OSBP2: variants seen among roughly 807,000 people sequenced by gnomAD.
OSBP2 encodes oxysterol-binding protein 2.
Under a neutral mutation model 96.0 loss-of-function variants are expected in OSBP2, and 66 were observed. That is an observed-to-expected ratio of 0.69 (90% CI 0.56 to 0.84). The LOEUF is 0.84. Among genes scored for constraint, OSBP2 ranks in the 40% least tolerant of loss-of-function variants. The pLI is 0.00. For missense variants in OSBP2, 1,038 were observed against 1,222.7 expected, an observed-to-expected ratio of 0.85 and a Z score of 2.25; for synonymous variants, 525 against 520.9, an observed-to-expected ratio of 1.01 and a Z score of -0.11.
At chr22:30,816,797 T>C (rs1395115419) in intron 2 of OSBP2, among the ~76,000 whole-genome samples, 2 of 152,154 alleles carry the variant, frequency 1.3e-5, no homozygotes, top group Admixed American at 6.5e-5. Context: ...AGTGCAGTGG[T>C]GTGATCTCGG....
chr22:30,733,472 G>A (rs2089809370), intron 1 of OSBP2, among the ~76,000 whole-genome samples: 1 of 152,136 alleles, frequency 6.6e-6, no homozygotes, highest in Admixed American at 6.6e-5. Flanking sequence ...TGTTTAACCT[G>A]TGAGTCACTA....
At chr22:30,850,204 G>A (rs2038953215) in intron 2 of OSBP2, among the ~76,000 whole-genome samples, 2 of 151,778 alleles carry the variant, frequency 1.3e-5, no homozygotes, top group African/African-American at 4.8e-5. Flanking sequence ...TACTTGGGAG[G>A]CTGAGGCAGG....
At chr22:30,708,299 A>G (rs2089288500) in intron 1 of OSBP2, among the ~76,000 whole-genome samples, 1 of 152,168 alleles carries the variant, frequency 6.6e-6, no homozygotes, top group African/African-American at 2.4e-5. Context: ...TTTAAACAAC[A>G]TATATAAGAG....
At chr22:30,732,800 G>A (rs2089798913) in intron 1 of OSBP2, among the ~76,000 whole-genome samples, 1 of 152,176 alleles carries the variant, frequency 6.6e-6, no homozygotes, top group South Asian at 2.1e-4. Flanking sequence ...TTCTCCCTCG[G>A]TGTCCCCGCT....
At chr22:30,865,360 C>T (rs374075247) in intron 2 of OSBP2, among the ~76,000 whole-genome samples, 7 of 152,248 alleles carry the variant, frequency 4.6e-5, no homozygotes, top group Middle Eastern at 3.4e-3. Context: ...CATGGTGGCT[C>T]ACGCCTATAA....
At chr22:30,730,808 A>ATAT (rs1491303061) in intron 1 of OSBP2, among the ~76,000 whole-genome samples, 117 of 39,194 alleles carry the variant, frequency 3.0e-3, no homozygotes, top group Middle Eastern at 0.028. Context: ...ATATATATAT[A>ATAT]ATTTTTTTTT....
At chr22:30,720,300 T>C (rs2089527628) in intron 1 of OSBP2, among the ~76,000 whole-genome samples, 1 of 152,140 alleles carries the variant, frequency 6.6e-6, no homozygotes, top group Non-Finnish European at 1.5e-5. Flanking sequence ...TGATCCTGAG[T>C]GGGCTCAGGA....
At chr22:30,715,868 T>TA in intron 1 of OSBP2, among the ~76,000 whole-genome samples, 1 of 149,510 alleles carries the variant, frequency 6.7e-6, no homozygotes, top group Non-Finnish European at 1.5e-5. Context: ...TTTTTTTTTT[T>TA]TTTTTTTAAC....
Position 30,893,556 on chromosome 22 carries a change from G to A in OSBP2, c.2084G>A (p.Trp695Ter). Residue 695 changes from tryptophan (W) to a stop codon, truncating the protein, a stop_gained, in exon 10 of 14, where the codon TGG becomes TAG. Transcript: ENST00000332585. LOFTEE classifies it high-confidence loss of function. The part of the protein sequence containing the change: ...TVHNIIVGKL[W>*]IDQSGDIEIV... ...CACAACATCATCGTGGGCAAGCTCT[G>A]GATCGACCAGGTCAGGGGCGCCCTT... is the stretch of plus-strand genomic sequence containing the variant. 6.2e-7 allele frequency: 1 copy of A among 1,614,102 alleles called. No homozygotes were observed. Among genetic ancestry groups the A allele is most frequent in the African/African-American group, 1.3e-5 (1 of 75,062 alleles).
intron 1 of OSBP2, among the ~76,000 whole-genome samples, chr22:30,733,266 A>C (rs1183713370): frequency 6.6e-6 from 1 of 152,196 alleles, no homozygotes; most frequent in Non-Finnish European, 1.5e-5. Flanking sequence ...GGGAGGATGC[A>C]AAGTAACATG....
Position 30,892,954 on chromosome 22 carries a change from C to T in OSBP2, c.1870-168C>T, listed in dbSNP as rs528438302. Among the ~76,000 whole-genome samples the T allele has an allele frequency of 2.0e-5, 3 of 152,276 alleles. No homozygotes were observed. The South Asian group carries it at 6.2e-4, about 32-fold the overall frequency. On this transcript the variant is annotated intron_variant, in intron 8 of 13. Transcript: ENST00000332585. ...CTTTTCTGCTCAAGGCAGTGCCTTCCTGGGGGCCTGCCTTGGGTCCATGGC... is the reference window on the plus strand; with the variant it reads ...CTTTTCTGCTCAAGGCAGTGCCTTCTTGGGGGCCTGCCTTGGGTCCATGGC...
At chr22:30,716,423 G>GT (rs1289469252) in intron 1 of OSBP2, among the ~76,000 whole-genome samples, 2 of 151,206 alleles carry the variant, frequency 1.3e-5, no homozygotes, top group African/African-American at 2.4e-5. Flanking sequence ...TTGTTTGTTT[G>GT]TTTTTTTGTT....
At chr22:30,718,261 A>G (rs912442334) in intron 1 of OSBP2, among the ~76,000 whole-genome samples, 14 of 152,194 alleles carry the variant, frequency 9.2e-5, no homozygotes, top group African/African-American at 3.1e-4. Context: ...AAAGTTGTGC[A>G]CTTAAAATTG....
At chr22:30,788,874 G>A (rs534730339) in intron 2 of OSBP2, among the ~76,000 whole-genome samples, 19 of 151,990 alleles carry the variant, frequency 1.3e-4, no homozygotes, top group Non-Finnish European at 2.4e-4. Flanking sequence ...CACCACACCC[G>A]GCTAATTTTT....
Position 30,741,328 on chromosome 22 carries a change from T to A in OSBP2, c.812T>A (p.Leu271Gln). 3 of 1,613,206 alleles carry A rather than the reference T, an allele frequency of 1.9e-6. No homozygotes were observed. Among genetic ancestry groups the A allele is most frequent in the Non-Finnish European group, 2.5e-6 (3 of 1,180,026 alleles). ...CAGCAGTGGATCACCGCCCTGGAGC[T>A]GGCCAAGGCCAAGGCTGTCCGCGTG... ...DRQQWITALE[L>Q]AKAKAVRVMN... is the part of the protein sequence containing the mutation. The change falls in exon 2 of 14, where the codon CTG becomes CAG. Residue 271 changes from leucine to glutamine, a missense_variant. Physicochemically the swap from Leu to Gln is moderately radical, Grantham distance 113. This residue lies in a region of OSBP2 where 737 missense variants were observed against 913.3 expected (regional missense o/e 0.81). Transcript: ENST00000332585.
intron 12 of OSBP2, among the ~76,000 whole-genome samples, chr22:30,898,841 T>C (rs2147181409): frequency 6.8e-6 from 1 of 148,116 alleles, no homozygotes; most frequent in African/African-American, 2.5e-5. Context: ...CTGGGCAATA[T>C]GGCAAGATAT....
intron 2 of OSBP2, chr22:30,822,741 AG>A: frequency 6.7e-7 from 1 of 1,501,948 alleles, no homozygotes; most frequent in Non-Finnish European, 8.9e-7. Flanking sequence ...ACCCGGAGGG[AG>A]GCCAGGCTCC....
At chr22:30,756,680 G>A (rs1193248292) in intron 2 of OSBP2, among the ~76,000 whole-genome samples, 1 of 151,984 alleles carries the variant, frequency 6.6e-6, no homozygotes, top group Non-Finnish European at 1.5e-5. Flanking sequence ...ACGACAGAGC[G>A]AGACTCCATT....
intron 3 of OSBP2, among the ~76,000 whole-genome samples, chr22:30,880,782 C>T (rs1353929869): frequency 6.6e-6 from 1 of 152,238 alleles, no homozygotes; most frequent in East Asian, 1.9e-4. Context: ...GTTTGTCCTC[C>T]TCTTCCTGGG....
Sources: allele counts gnomAD v4.1 joint callset (sites outside exome capture counted in the v4.1 genomes callset), GRCh38; gene constraint gnomAD v4.1.1; regional missense constraint gnomAD v4.1.1; transcripts MANE v1.5; gene names NCBI Gene and HGNC (gene_info 2026-07-23, HGNC 2026-07-21).